IRF2BP2: variants seen among roughly 807,000 people sequenced by gnomAD.
IRF2BP2 encodes the protein interferon regulatory factor 2 binding protein 2.
IRF2BP2 carries 13 observed loss-of-function variants against 32.7 expected under a neutral mutation model. The ratio of observed to expected loss-of-function variants is 0.40; its 90% confidence interval spans 0.26 to 0.63. The LOEUF (loss-of-function observed/expected upper bound fraction) is 0.63. Among genes scored for constraint, IRF2BP2 ranks in the 30% least tolerant of loss-of-function variants. The pLI is 0.42. For synonymous variants in IRF2BP2, 555 were observed against 384.6 expected (o/e 1.44, Z -5.18); for missense variants, 980 against 830.6 (o/e 1.18, Z -2.21).
chr1:234,609,906 TGCGGGGCGGGGG>T lies in IRF2BP2; in HGVS notation c.-424_-413del, dbSNP rs1558310433. On this transcript the variant is annotated 5_prime_UTR_variant, in exon 1 of 2. Coordinates refer to ENST00000366609, the MANE Select transcript of IRF2BP2 (RefSeq NM_182972.3). ...GGTCGCGGCGGCGGCCGGCACGGAG[TGCGGGGCGGGGG>T]GCGGGGAGGCCGGGGGGGCAGGGGG... Among the ~76,000 whole-genome samples, 6 of 45,988 alleles carry T rather than the reference TGCGGGGCGGGGG, an allele frequency of 1.3e-4. No homozygotes were observed. 30.2% of individuals were successfully genotyped at this position (45,988 alleles called of 152,430 possible).
rs1672267836 is a variant in IRF2BP2 at position 234,609,145 on chromosome 1, T to G, written c.350A>C (p.Tyr117Ser). 1 of 1,241,100 alleles carries G rather than the reference T, an allele frequency of 8.1e-7. No individual in the cohort carries two copies. The allele number at this position is 1,241,100 out of a possible 1,614,324, so 76.9% of individuals were successfully genotyped here. ...CCTCTCGGCCGCGGCCGCCAACGGG[T>G]AGCGCTCCAAGGCCTGCGGCGCGCG... ...APRAPQALERYPLAAAAERPP... is the reference protein window; with the variant it reads ...APRAPQALERSPLAAAAERPP... Residue 117 changes from tyrosine to serine, a missense_variant, in exon 1 of 2, where the codon TAC becomes TCC. Physicochemically the swap from Tyr to Ser is moderately radical, Grantham distance 144. Coordinates refer to ENST00000366609, the MANE Select transcript of IRF2BP2 (RefSeq NM_182972.3).
In IRF2BP2 at chr1:234,604,572, T is replaced by G. The variant is rs889536867; in HGVS notation, c.*2565A>C. ...ATGTGTATGTTCTCATAACTTTAAA[T>G]GTGAGGCCACATGAAAGACAGTACA... On this transcript the variant is annotated 3_prime_UTR_variant, in exon 2 of 2. Coordinates refer to ENST00000366609, the MANE Select transcript of IRF2BP2 (RefSeq NM_182972.3). 6.6e-6 allele frequency: 1 copy of G among 152,234 alleles called. No individual in the cohort carries two copies. Among genetic ancestry groups the G allele is most frequent in the Non-Finnish European group, 1.5e-5 (1 of 68,038 alleles). The allele number at this position is 152,234 out of a possible 1,614,324, so 9.4% of individuals were successfully genotyped here.
rs544989765 is a variant in IRF2BP2, at chr1:234,609,586, C to T, written c.-92G>A. ...CACCGGCACCACGCGCGCCCTCCTC[C>T]CCCCCCAACCCCGCGTCTCCCCCAC... On this transcript the variant is annotated 5_prime_UTR_variant, in exon 1 of 2. Coordinates refer to ENST00000366609, the MANE Select transcript of IRF2BP2 (RefSeq NM_182972.3). 3 of 633,046 alleles carry T rather than the reference C, an allele frequency of 4.7e-6. No homozygotes were observed. Among genetic ancestry groups the T allele is most frequent in the African/African-American group, 3.9e-5 (2 of 51,242 alleles). The allele number at this position is 633,046 out of a possible 1,614,324, so 39.2% of individuals were successfully genotyped here.
rs1558310150 is a variant in IRF2BP2 at position 234,609,530 on chromosome 1, AGGAGGAGGAGGG to A, written c.-48_-37del. The A allele has an allele frequency of 7.9e-7, 1 of 1,271,852 alleles. No individual in the cohort carries two copies. Among genetic ancestry groups the A allele is most frequent in the Admixed American group, 3.1e-5 (1 of 32,306 alleles). 78.8% of individuals were successfully genotyped at this position (1,271,852 alleles called of 1,614,324 possible). ...CCCGCGACGCCGGAGGAGGAGGCGG[AGGAGGAGGAGGG>A]GGCGCCGCCGCCGCCCCCCACCGGC... On this transcript the variant is annotated 5_prime_UTR_variant, in exon 1 of 2. Coordinates refer to ENST00000366609, the MANE Select transcript of IRF2BP2 (RefSeq NM_182972.3).
chr1:234,607,540 T>C lies in IRF2BP2; in HGVS notation c.1361A>G (p.Asn454Ser), dbSNP rs770166969. Reference protein sequence around the residue: ...ANQVHSTTRRNSNSPPSPSSM... With the variant: ...ANQVHSTTRRSSNSPPSPSSM... ...GGACGGAGAGGGCGGACTGTTGCTA[T>C]TCCTCCTGGTAGTGGAGTGAACCTG... Residue 454 changes from asparagine (N) to serine (S), a missense_variant, in exon 2 of 2, where the codon AAT becomes AGT. Physicochemically the swap from Asn to Ser is conservative, Grantham distance 46. Coordinates refer to ENST00000366609, the MANE Select transcript of IRF2BP2 (RefSeq NM_182972.3). 1.2e-6 allele frequency: 2 copies of C among 1,614,232 alleles called. No individual in the cohort carries two copies. The highest frequency in any genetic ancestry group is 2.2e-5 in the South Asian group (2 of 91,080).
In IRF2BP2 at chr1:234,610,163, A is replaced by G. The variant is rs1230748356; in HGVS notation, c.-669T>C. ...CGTCGCTGCTGCTGCTGCCGCCGCG[A>G]CCGCTCCACTTCTACAGACTTGATT... is the stretch of plus-strand genomic sequence containing the variant. On this transcript the variant is annotated 5_prime_UTR_variant, in exon 1 of 2. Coordinates refer to ENST00000366609, the MANE Select transcript of IRF2BP2 (RefSeq NM_182972.3). Among the ~76,000 whole-genome samples the G allele has an allele frequency of 1.4e-5, 2 of 147,602 alleles. No individual in the cohort carries two copies. Among genetic ancestry groups the G allele is most frequent in the Admixed American group, 6.7e-5 (1 of 14,904 alleles).
rs1459243343 is a variant in IRF2BP2 at position 234,608,741 on chromosome 1, G to A, written c.754C>T (p.Arg252Cys). ...SSSAAVEHEQ[R>C]EAAAKEKQPP... ...TGTTTCTCCTTGGCTGCCGCCTCAC[G>A]CTGCTCGTGCTCCACGGCAGCGCTG... is the stretch of plus-strand genomic sequence containing the variant. The change falls in exon 1 of 2, where the codon CGT becomes TGT. Residue 252 changes from arginine (R) to cysteine (C), a missense_variant. Coordinates refer to ENST00000366609, the MANE Select transcript of IRF2BP2 (RefSeq NM_182972.3). 32 of 1,497,430 alleles carry A rather than the reference G, an allele frequency of 2.1e-5. 1 individual carries two copies. In the Middle Eastern group the frequency reaches 2.3e-3, roughly 108 times the overall value. The allele number at this position is 1,497,430 out of a possible 1,614,324, so 92.8% of individuals were successfully genotyped here.
Position 234,609,076 on chromosome 1 carries a change from G to C in IRF2BP2, c.419C>G (p.Ala140Gly). The C allele has an allele frequency of 8.0e-7, 1 of 1,252,198 alleles. No homozygotes were observed. Among genetic ancestry groups the C allele is most frequent in the Non-Finnish European group, 1.0e-6 (1 of 1,001,060 alleles). The allele number at this position is 1,252,198 out of a possible 1,614,324, so 77.6% of individuals were successfully genotyped here. Residue 140 changes from alanine (A) to glycine (G), a missense_variant, in exon 1 of 2, where the codon GCG becomes GGG. By Grantham distance (60) the Ala-to-Gly change is moderately conservative. Coordinates refer to ENST00000366609, the MANE Select transcript of IRF2BP2 (RefSeq NM_182972.3). ...CGGCGTCGGCGGCTGGGCCAGGCTC[G>C]CTGCCGGGCGGCTGCTGCCGAAGTC... is the stretch of plus-strand genomic sequence containing the variant. Reference protein sequence around the residue: ...GSDFGSSRPAASLAQPPTPQP... With the variant: ...GSDFGSSRPAGSLAQPPTPQP...
Position 234,606,889 on chromosome 1 carries a change from A to G in IRF2BP2, c.*248T>C. 1 of 336,568 alleles carries G rather than the reference A, an allele frequency of 3.0e-6. No homozygotes were observed. The highest frequency in any genetic ancestry group is 5.5e-6 in the Non-Finnish European group (1 of 183,444). 20.8% of individuals were successfully genotyped at this position (336,568 alleles called of 1,614,324 possible). A position where few individuals can be genotyped will look rare whatever the true frequency, so the allele number is the denominator to read the frequency against. ...CCTACATAGAACGGTAACTGTCACCAGGATAATAAAGCACAAAGATATGCT... is the reference window on the plus strand; with the variant it reads ...CCTACATAGAACGGTAACTGTCACCGGGATAATAAAGCACAAAGATATGCT... On this transcript the variant is annotated 3_prime_UTR_variant, in exon 2 of 2. Coordinates refer to ENST00000366609, the MANE Select transcript of IRF2BP2 (RefSeq NM_182972.3).
rs1254638416 is a variant in IRF2BP2 at position 234,609,931 on chromosome 1, GGGGGGCA to G, written c.-444_-438del. ...TGCGGGGCGGGGGGCGGGGAGGCCG[GGGGGGCA>G]GGGGGCGGGGGGCGGCCGCCGGGGC... On this transcript the variant is annotated 5_prime_UTR_variant, in exon 1 of 2. Coordinates refer to ENST00000366609, the MANE Select transcript of IRF2BP2 (RefSeq NM_182972.3). Among the ~76,000 whole-genome samples the G allele has an allele frequency of 1.6e-4, 23 of 141,674 alleles. No homozygotes were observed. The highest frequency in any genetic ancestry group is 8.2e-4 in the Admixed American group (12 of 14,550). The allele number at this position is 141,674 out of a possible 152,430, so 92.9% of individuals were successfully genotyped here.
chr1:234,607,124 G>C lies in IRF2BP2; in HGVS notation c.*13C>G, dbSNP rs182116002. The C allele has an allele frequency of 1.4e-5, 23 of 1,595,402 alleles. No individual in the cohort carries two copies. Among genetic ancestry groups the C allele is most frequent in the Non-Finnish European group, 1.9e-5 (22 of 1,167,284 alleles). On this transcript the variant is annotated 3_prime_UTR_variant, in exon 2 of 2. Transcript: ENST00000366609. ...TTAAGGGTAATCATTGGGTTTTTCT[G>C]AAACCGGAAAAGTCACGAGTCTCTC...
rs1672242312 is a variant in IRF2BP2 at position 234,608,655 on chromosome 1, G to A, written c.840C>T (p.Ala280=). 1.3e-6 allele frequency: 2 copies of A among 1,534,966 alleles called. No homozygotes were observed. The highest frequency in any genetic ancestry group is 1.7e-6 in the Non-Finnish European group (2 of 1,149,790). Residue 280 remains alanine, a synonymous_variant, in exon 1 of 2, where the codon GCC becomes GCT. Coordinates refer to ENST00000366609, the MANE Select transcript of IRF2BP2 (RefSeq NM_182972.3). ...ADSLSTAAGA[A]ELSAEGAGKS... ...TGCCCGCACCTTCCGCGCTCAGCTC[G>A]GCGGCCCCGGCCGCGGTGGACAGGC...
intron 1 of IRF2BP2, 62 bp from the exon 2 acceptor site, chr1:234,607,914 C>A: frequency 1.6e-6 from 2 of 1,274,020 alleles, no homozygotes; most frequent in South Asian, 2.9e-5. Context: ...TGAAAGAGAT[C>A]ATTCTCTTCC....
intron 1 of IRF2BP2, among the ~76,000 whole-genome samples, 197 bp downstream of exon 1, chr1:234,608,250 T>A (rs2102768974): frequency 6.6e-6 from 1 of 152,310 alleles, no homozygotes; most frequent in South Asian, 2.1e-4. Flanking sequence ...ATCAGCCCAG[T>A]CTGACTCATC....
intron 1 of IRF2BP2, 75 bp downstream of exon 1, chr1:234,608,372 T>C (rs761821526): frequency 7.3e-6 from 9 of 1,234,598 alleles, no homozygotes; most frequent in Non-Finnish European, 9.8e-6. Flanking sequence ...AAATGGTGAA[T>C]CCAAAGAACC....
In IRF2BP2 at chr1:234,607,728, C is replaced by T. The variant is rs557985387; in HGVS notation, c.1173G>A (p.Met391Ile). The part of the protein sequence containing the change: ...STSTEGLKIP[M>I]TPTSSFVSPP... ...GAGACACAAAAGAGGATGTAGGAGT[C>T]ATGGGGATCTTGAGCCCCTCTGTGG... The change falls in exon 2 of 2, where the codon ATG becomes ATA. Residue 391 changes from methionine (M) to isoleucine (I), a missense_variant. Met to Ile is a conservative substitution (Grantham distance 10). Coordinates refer to ENST00000366609, the MANE Select transcript of IRF2BP2 (RefSeq NM_182972.3). The T allele has an allele frequency of 2.5e-6, 4 of 1,614,162 alleles. No individual in the cohort carries two copies. The East Asian group carries it at 6.7e-5, about 27-fold the overall frequency.
Position 234,610,148 on chromosome 1 carries a change from G to A in IRF2BP2, c.-654C>T, listed in dbSNP as rs953191982. 4.6e-4 allele frequency among the ~76,000 whole-genome samples: 69 copies of A among 148,562 alleles called. No homozygotes were observed. The highest frequency in any genetic ancestry group is 1.6e-3 in the African/African-American group (64 of 41,190). On this transcript the variant is annotated 5_prime_UTR_variant, in exon 1 of 2. Transcript: ENST00000366609. ...CTCCGCCGCCGCCACCGTCGCTGCT[G>A]CTGCTGCCGCCGCGACCGCTCCACT...
rs778752231 is a variant in IRF2BP2, at chr1:234,609,002, G to C, written c.493C>G (p.Leu165Val). The part of the protein sequence containing the change: ...GILVPNGFSK[L>V]EEPPELNRQS... ...CGATTCAGCTCGGGCGGCTCCTCTA[G>C]CTTGGAGAAGCCGTTGGGCACCAGG... The change falls in exon 1 of 2, where the codon CTA becomes GTA. Residue 165 changes from leucine to valine, a missense_variant. Leu to Val is a conservative substitution (Grantham distance 32). Transcript: ENST00000366609. 1.5e-6 allele frequency: 2 copies of C among 1,338,562 alleles called. No individual in the cohort carries two copies. The highest frequency in any genetic ancestry group is 2.8e-5 in the East Asian group (1 of 35,128). The allele number at this position is 1,338,562 out of a possible 1,614,324, so 82.9% of individuals were successfully genotyped here. A position where few individuals can be genotyped will look rare whatever the true frequency, so the allele number is the denominator to read the frequency against.
Position 234,609,418 on chromosome 1 carries a change from C to A in IRF2BP2, c.77G>T (p.Trp26Leu). 6.4e-7 allele frequency: 1 copy of A among 1,563,494 alleles called. No homozygotes were observed. The highest frequency in any genetic ancestry group is 1.2e-5 in the South Asian group (1 of 86,094). The change falls in exon 1 of 2, where the codon TGG becomes TTG. Residue 26 changes from tryptophan (W) to leucine (L), a missense_variant. Coordinates refer to ENST00000366609, the MANE Select transcript of IRF2BP2 (RefSeq NM_182972.3). ...TTCGGTGAAGTCCCAGATCATGGCC[C>A]AGGGCATGCGGGGCAGGTCACACAG... is the stretch of plus-strand genomic sequence containing the variant. ...CYLCDLPRMP[W>L]AMIWDFTEPV...
Sources: allele counts gnomAD v4.1 joint callset (sites outside exome capture counted in the v4.1 genomes callset), GRCh38; gene constraint gnomAD v4.1.1; transcripts MANE v1.5; gene names NCBI Gene and HGNC (gene_info 2026-07-23, HGNC 2026-07-21).